Variants in AMBRA1 observed in about 807,000 individuals in gnomAD.
The protein encoded by AMBRA1 is autophagy and beclin 1 regulator 1.
Under a neutral mutation model 125.4 loss-of-function variants are expected in AMBRA1, and 47 were observed. The ratio of observed to expected loss-of-function variants is 0.37; its 90% CI spans 0.30 to 0.48. The LOEUF (loss-of-function observed/expected upper bound fraction) is 0.48. Ranked by LOEUF, AMBRA1 falls within the 20% of genes least tolerant of loss-of-function variation. The pLI, the probability that AMBRA1 is intolerant of heterozygous loss-of-function variation, is 0.99. For synonymous variants in AMBRA1, 626 were observed against 655.5 expected, an observed-to-expected ratio of 0.95 and a Z score of 0.69; for missense variants, 1,331 against 1,693.4, an observed-to-expected ratio of 0.79 and a Z score of 3.76.
At chr11:46,512,126 G>C (rs982184287) in intron 8 of AMBRA1, among the ~76,000 whole-genome samples, 4 of 152,256 alleles carry the variant, frequency 2.6e-5, no homozygotes, top group African/African-American at 9.6e-5. Context: ...AAAGTGATGG[G>C]ATTACAGGCG....
chr11:46,421,101 C>G (rs1946829814), intron 14 of AMBRA1, among the ~76,000 whole-genome samples: 1 of 152,048 alleles, frequency 6.6e-6, no homozygotes, highest in Non-Finnish European at 1.5e-5. Context: ...ATAGGAACTT[C>G]CTTTGGGGAC....
At chr11:46,564,172 G>A (rs1437788004) in intron 1 of AMBRA1, among the ~76,000 whole-genome samples, 6 of 129,862 alleles carry the variant, frequency 4.6e-5, no homozygotes, top group South Asian at 4.8e-4. Flanking sequence ...AAACGTAAGA[G>A]CAATCTTAAA....
intron 11 of AMBRA1, among the ~76,000 whole-genome samples, chr11:46,473,652 TTTTG>T (rs1315649269): frequency 2.6e-5 from 4 of 152,178 alleles, no homozygotes; most frequent in South Asian, 2.1e-4. Flanking sequence ...AGGATTCTTT[TTTTG>T]TTTGTTTGTT....
chr11:46,411,795 T>A (rs768465365), intron 15 of AMBRA1, among the ~76,000 whole-genome samples: 10 of 152,092 alleles, frequency 6.6e-5, no homozygotes, highest in Non-Finnish European at 8.8e-5. Context: ...ATTTTTTTTT[T>A]ATTTTTTATT....
intron 1 of AMBRA1, among the ~76,000 whole-genome samples, chr11:46,566,438 GAGCT>G (rs2043535366): frequency 6.6e-6 from 1 of 151,922 alleles, no homozygotes; most frequent in East Asian, 1.9e-4. Context: ...AAAAAGAGTG[GAGCT>G]ATTGATAATA....
chr11:46,517,470 G>GTTTTTTT (rs768814141), intron 7 of AMBRA1, among the ~76,000 whole-genome samples: 1 of 96,184 alleles, frequency 1.0e-5, no homozygotes, highest in Non-Finnish European at 1.9e-5. Context: ...TATTAATAAG[G>GTTTTTTT]TTTTTTTTTT....
intron 11 of AMBRA1, among the ~76,000 whole-genome samples, chr11:46,487,060 C>G (rs573074891): frequency 6.6e-6 from 1 of 151,636 alleles, no homozygotes; most frequent in East Asian, 2.0e-4. Flanking sequence ...GAGTTAGAGA[C>G]TAGCCTGGGC....
chr11:46,510,386 T>G (rs942598210), intron 8 of AMBRA1, among the ~76,000 whole-genome samples: 3 of 152,226 alleles, frequency 2.0e-5, no homozygotes. Context: ...CTGCCCAATA[T>G]ATAGAACTCT....
rs573445806 is a variant in AMBRA1, at chr11:46,472,660, T to C, written c.2521+20948A>G. On this transcript the variant is annotated intron_variant, in intron 11 of 17. Coordinates refer to ENST00000683756, the MANE Select transcript of AMBRA1 (RefSeq NM_001387011.1). ...TCTCAATCTTTTTGTGTTCACAACA[T>C]ACATTTGAATACTAGATTTCTTAGC... Among the ~76,000 whole-genome samples the C allele has an allele frequency of 7.2e-5, 11 of 152,324 alleles. No individual in the cohort carries two copies. In the East Asian group the frequency reaches 2.1e-3, roughly 29 times the overall value.
intron 1 of AMBRA1, among the ~76,000 whole-genome samples, chr11:46,552,985 A>G (rs779670657): frequency 4.0e-5 from 6 of 151,672 alleles, no homozygotes; most frequent in Admixed American, 6.6e-5. Flanking sequence ...TCGCTCCGTC[A>G]CCCAGGCTGC....
chr11:46,578,870 G>A (rs1306983078), intron 1 of AMBRA1, among the ~76,000 whole-genome samples: 6 of 96,552 alleles, frequency 6.2e-5, no homozygotes, highest in Non-Finnish European at 1.1e-4. Flanking sequence ...GGGCGACAGA[G>A]AGACTCAGTC....
chr11:46,464,297 C>A (rs1444000140), intron 11 of AMBRA1, among the ~76,000 whole-genome samples: 1 of 152,170 alleles, frequency 6.6e-6, no homozygotes, highest in Admixed American at 6.5e-5. Flanking sequence ...CCTCTTGGCA[C>A]AAAATACCCA....
chr11:46,570,625 GCC>G (rs1012039936), intron 1 of AMBRA1, among the ~76,000 whole-genome samples: 1 of 151,774 alleles, frequency 6.6e-6, no homozygotes, highest in African/African-American at 2.4e-5. Flanking sequence ...GATGTTACTT[GCC>G]CCCCCATTGA....
chr11:46,518,755 G>GA (rs755063647), intron 7 of AMBRA1, among the ~76,000 whole-genome samples: 6 of 151,764 alleles, frequency 4.0e-5, no homozygotes, highest in South Asian at 4.2e-4. Flanking sequence ...TTGTGCACTG[G>GA]AAAAAAAACA....
chr11:46,567,993 CA>C (rs1259220742), intron 1 of AMBRA1, among the ~76,000 whole-genome samples: 6 of 151,666 alleles, frequency 4.0e-5, no homozygotes, highest in African/African-American at 1.5e-4. Context: ...ACTAAAAATA[CA>C]AAAATTACCC....
At chr11:46,416,097 C>T (rs1946533146) in intron 15 of AMBRA1, among the ~76,000 whole-genome samples, 1 of 152,078 alleles carries the variant, frequency 6.6e-6, no homozygotes, top group Non-Finnish European at 1.5e-5. Context: ...GGAAAGAGGT[C>T]TTGGAGAAAC....
At position 46,545,586 on chromosome 11, in the gene AMBRA1, A is replaced by G. The variant is rs749849167; in HGVS notation, c.551+18T>C. The G allele has an allele frequency of 1.4e-5, 23 of 1,611,562 alleles. No individual in the cohort carries two copies. The highest frequency in any genetic ancestry group is 2.0e-5 in the Non-Finnish European group (23 of 1,178,832). The stretch of plus-strand genomic sequence containing the variant: ...GTCAGTCCTGTGCCAGACAATGCAG[A>G]TGGGGCAGCGCACTCACCGGACCCG... On this transcript the variant is annotated intron_variant, in intron 5 of 17. Transcript: ENST00000683756.
intron 17 of AMBRA1, among the ~76,000 whole-genome samples, chr11:46,403,931 G>A (rs1434370791): frequency 6.6e-6 from 1 of 152,136 alleles, no homozygotes; most frequent in Admixed American, 6.5e-5. Context: ...TGCATGTGGC[G>A]GCTCACGCCT....
intron 9 of AMBRA1, among the ~76,000 whole-genome samples, chr11:46,505,544 G>A (rs974306084): frequency 7.2e-5 from 11 of 152,078 alleles, no homozygotes; most frequent in African/African-American, 2.4e-4. Context: ...ACTTTCCAAG[G>A]AGTATGAGAG....
Sources: allele counts gnomAD v4.1 joint callset (sites outside exome capture counted in the v4.1 genomes callset), GRCh38; gene constraint gnomAD v4.1.1; transcripts MANE v1.5; gene names NCBI Gene and HGNC (gene_info 2026-07-23, HGNC 2026-07-21).